MEX3D: variants seen among roughly 807,000 people sequenced by gnomAD.
MEX3D encodes the protein mex-3 RNA binding family member D.
Under a neutral mutation model 6.3 loss-of-function variants are expected in MEX3D, and 4 were observed. The observed-to-expected ratio is 0.64, with a 90% CI of 0.31 to 1.46. MEX3D has a LOEUF of 1.46. Among genes scored for constraint, MEX3D ranks in the 40% most tolerant of loss-of-function variants. MEX3D has a pLI of 0.07. For synonymous variants in MEX3D, 626 were observed against 494.1 expected (o/e 1.27, Z -3.54); for missense variants, 1,038 against 994.4 (o/e 1.04, Z -0.59).
chr19:1,556,289 G>A lies in MEX3D; in HGVS notation c.1230C>T (p.Arg410=), dbSNP rs1428232947. The A allele has an allele frequency of 3.1e-6, 4 of 1,276,626 alleles. No individual in the cohort carries two copies. The highest frequency in any genetic ancestry group is 3.9e-6 in the Non-Finnish European group (4 of 1,013,916). 79.1% of individuals were successfully genotyped at this position (1,276,626 alleles called of 1,614,324 possible). ...CTGGGTCCGGCACGGAGGGGCCGCC[G>A]CGGCTGCCCGCGTAGAAGGCCTCGG... ...SAPEAFYAGS[R]GGPSVPDPGP... is the part of the protein sequence containing the mutation. Residue 410 remains arginine, a synonymous_variant, in exon 2 of 2, where the codon CGC becomes CGT. Coordinates refer to ENST00000402693, the MANE Select transcript of MEX3D (RefSeq NM_203304.4). This position sits in a 1 kb window ranked among gnomAD's most constrained non-coding sequence, Gnocchi z 7.5.
At chr19:1,566,426 C>T (rs980813024) in intron 1 of MEX3D, among the ~76,000 whole-genome samples, 2 of 152,180 alleles carry the variant, frequency 1.3e-5, no homozygotes, top group African/African-American at 4.8e-5. Flanking sequence ...CCCAGCCCCC[C>T]ACACCTTTCT....
chr19:1,555,860 T>A lies in MEX3D; in HGVS notation c.1659A>T (p.Pro553=), dbSNP rs1441943769. 14 of 1,327,162 alleles carry A rather than the reference T, an allele frequency of 1.1e-5. No individual in the cohort carries two copies. Among genetic ancestry groups the A allele is most frequent in the Non-Finnish European group, 1.3e-5 (14 of 1,044,016 alleles). The allele number at this position is 1,327,162 out of a possible 1,614,324, so 82.2% of individuals were successfully genotyped here. A position where few individuals can be genotyped will look rare whatever the true frequency, so the allele number is the denominator to read the frequency against. The change falls in exon 2 of 2, where the codon CCA becomes CCT. Residue 553 remains proline (P), a synonymous_variant. Coordinates refer to ENST00000402693, the MANE Select transcript of MEX3D (RefSeq NM_203304.4). ...WRPPQGPVSF[P]GGAAFSTATS... ...TGGCCGTGGAGAAGGCGGCGCCGCC[T>A]GGGAAGGATACGGGGCCCTGCGGGG...
At position 1,556,313 on chromosome 19, in the gene MEX3D, G is replaced by A. The variant is rs773000109; in HGVS notation, c.1206C>T (p.Pro402=). ...GDTALGAPSA[P]EAFYAGSRGG... is the part of the protein sequence containing the mutation. ...CGCGGCTGCCCGCGTAGAAGGCCTC[G>A]GGGGCGCTGGGGGCGCCCAGGGCCG... is the stretch of plus-strand genomic sequence containing the variant. The change falls in exon 2 of 2, where the codon CCC becomes CCT. Residue 402 remains proline (P), a synonymous_variant. Coordinates refer to ENST00000402693, the MANE Select transcript of MEX3D (RefSeq NM_203304.4). This position sits in a 1 kb window ranked among gnomAD's most constrained non-coding sequence, Gnocchi z 7.5. The A allele has an allele frequency of 2.3e-4, 305 of 1,319,958 alleles. 1 individual carries two copies. The African/African-American group carries it at 4.1e-3, about 18-fold the overall frequency. 81.8% of individuals were successfully genotyped at this position (1,319,958 alleles called of 1,614,324 possible).
rs1454226633 is a variant in MEX3D at position 1,567,061 on chromosome 19, T to C, written c.595+403A>G. ...GCAGGCGGCCCCCCTAAGCCACCCCTAAACCTGCGCTTGCCCCGCCCCGCC... is the reference window on the plus strand; with the variant it reads ...GCAGGCGGCCCCCCTAAGCCACCCCCAAACCTGCGCTTGCCCCGCCCCGCC... On this transcript the variant is annotated intron_variant, in intron 1 of 1. Transcript: ENST00000402693. This position sits in a 1 kb window ranked among gnomAD's most constrained non-coding sequence, Gnocchi z 6.5. Among the ~76,000 whole-genome samples, 1 of 151,850 alleles carries C rather than the reference T, an allele frequency of 6.6e-6. No individual in the cohort carries two copies. The highest frequency in any genetic ancestry group is 1.5e-5 in the Non-Finnish European group (1 of 67,898).
rs1031455250 is a variant in MEX3D, at chr19:1,555,263, C to A, written c.*300G>T. 6.0e-6 allele frequency: 9 copies of A among 1,490,524 alleles called. No homozygotes were observed. Among genetic ancestry groups the A allele is most frequent in the Non-Finnish European group, 6.4e-6 (7 of 1,099,698 alleles). 92.3% of individuals were successfully genotyped at this position (1,490,524 alleles called of 1,614,324 possible). ...AGATCACCCTGGAGGGGAGGGGTGT[C>A]TAAAAATAAGAAAACTAAAAAAAGT... On this transcript the variant is annotated 3_prime_UTR_variant, in exon 2 of 2. Coordinates refer to ENST00000402693, the MANE Select transcript of MEX3D (RefSeq NM_203304.4).
At chr19:1,560,321 G>A (rs1396788080) in intron 1 of MEX3D, among the ~76,000 whole-genome samples, 1 of 152,212 alleles carries the variant, frequency 6.6e-6, no homozygotes, top group Non-Finnish European at 1.5e-5. Flanking sequence ...ACCCAGCAAG[G>A]CTGGGGAAGG....
Position 1,567,970 on chromosome 19 carries a change from G to A in MEX3D, c.89C>T (p.Pro30Leu). 1.0e-6 allele frequency: 1 copy of A among 978,304 alleles called. No individual in the cohort carries two copies. Among genetic ancestry groups the A allele is most frequent in the South Asian group, 4.5e-5 (1 of 21,980 alleles). 60.6% of individuals were successfully genotyped at this position (978,304 alleles called of 1,614,324 possible). A position where few individuals can be genotyped will look rare whatever the true frequency, so the allele number is the denominator to read the frequency against. Residue 30 changes from proline to leucine, a missense_variant, in exon 1 of 2, where the codon CCC becomes CTC. Around this residue, in one of 5 missense-constraint regions of MEX3D, gnomAD observed 265 missense variants for 206.3 expected, o/e 1.28. Transcript: ENST00000402693. The surrounding 1 kb of genome is among the most constrained non-coding windows in gnomAD (Gnocchi z 6.5). ...GVGAAGEDPG[P>L]GPAPPPEGAQ... ...GCCCTCGGGCGGGGGCGCAGGTCCGGGTCCGGGGTCCTCCCCCGCCGCCCC... is the reference window on the plus strand; with the variant it reads ...GCCCTCGGGCGGGGGCGCAGGTCCGAGTCCGGGGTCCTCCCCCGCCGCCCC...
chr19:1,567,902 C>T lies in MEX3D; in HGVS notation c.157G>A (p.Asp53Asn). The T allele has an allele frequency of 1.0e-6, 1 of 980,008 alleles. No individual in the cohort carries two copies. Among genetic ancestry groups the T allele is most frequent in the Non-Finnish European group, 1.2e-6 (1 of 828,290 alleles). 60.7% of individuals were successfully genotyped at this position (980,008 alleles called of 1,614,324 possible). ...AGGCGGAGCGCGGCGGCCGCGTCGT[C>T]GGGTTCGGGCGGCGGCCGGGGCGCG... ...APAPRPPPEP[D>N]DAAAALRLAL... Residue 53 changes from aspartate (D) to asparagine (N), a missense_variant, in exon 1 of 2, where the codon GAC (aspartate) becomes AAC (asparagine). Physicochemically the swap from Asp to Asn is conservative, Grantham distance 23. This residue lies in a region of MEX3D where 265 missense variants were observed against 206.3 expected (regional missense o/e 1.28). Transcript: ENST00000402693. The surrounding 1 kb of genome is among the most constrained non-coding windows in gnomAD (Gnocchi z 6.5).
rs750000154 is a variant in MEX3D at position 1,556,312 on chromosome 19, CGGGGGCGCT to C, written c.1198_1206del (p.Ser400_Pro402del). On this transcript the variant is annotated inframe_deletion, in exon 2 of 2. Transcript: ENST00000402693. This position sits in a 1 kb window ranked among gnomAD's most constrained non-coding sequence, Gnocchi z 7.5. ...CCGCGGCTGCCCGCGTAGAAGGCCT[CGGGGGCGCT>C]GGGGGCGCCCAGGGCCGTGTCCCCG... 5.5e-5 allele frequency: 73 copies of C among 1,320,058 alleles called. No individual in the cohort carries two copies. Among genetic ancestry groups the C allele is most frequent in the Admixed American group, 4.2e-4 (10 of 23,750 alleles). 81.8% of individuals were successfully genotyped at this position (1,320,058 alleles called of 1,614,324 possible).
chr19:1,558,513 C>T (rs1914636565), intron 1 of MEX3D, among the ~76,000 whole-genome samples: 1 of 152,118 alleles, frequency 6.6e-6, no homozygotes, highest in Non-Finnish European at 1.5e-5. Flanking sequence ...CCTGCCCACA[C>T]CTTGACTTGG....
intron 1 of MEX3D, among the ~76,000 whole-genome samples, chr19:1,561,037 G>A (rs1007429748): frequency 1.6e-4 from 25 of 152,292 alleles, no homozygotes; most frequent in African/African-American, 4.6e-4. Context: ...ATTCCAACTC[G>A]GAGGGCTTGA....
chr19:1,556,895 C>G lies in MEX3D; in HGVS notation c.624G>C (p.Lys208Asn). The change falls in exon 2 of 2, where the codon AAG (lysine) becomes AAC (asparagine). Residue 208 changes from lysine to asparagine, a missense_variant. Lys to Asn is a moderately conservative substitution (Grantham distance 94, BLOSUM62 0). This residue lies in a region of MEX3D where 75 missense variants were observed against 125.1 expected (regional missense o/e 0.60). Coordinates refer to ENST00000402693, the MANE Select transcript of MEX3D (RefSeq NM_203304.4). The surrounding 1 kb of genome is among the most constrained non-coding windows in gnomAD (Gnocchi z 7.5). ...CTGGGGTCTTGATGTAGGTGTTTGT[C>G]TTGGCCCGCAGGGCCTTGATCTTGC... ...QGCKIKALRA[K>N]TNTYIKTPVR... 6.2e-7 allele frequency: 1 copy of G among 1,610,392 alleles called. No individual in the cohort carries two copies. Among genetic ancestry groups the G allele is most frequent in the Non-Finnish European group, 8.5e-7 (1 of 1,179,248 alleles).
Position 1,567,946 on chromosome 19 carries a change from C to T in MEX3D, c.113G>A (p.Gly38Asp). 1 of 977,358 alleles carries T rather than the reference C, an allele frequency of 1.0e-6. No homozygotes were observed. Among genetic ancestry groups the T allele is most frequent in the Admixed American group, 6.4e-5 (1 of 15,552 alleles). The allele number at this position is 977,358 out of a possible 1,614,324, so 60.5% of individuals were successfully genotyped here. A position where few individuals can be genotyped will look rare whatever the true frequency, so the allele number is the denominator to read the frequency against. The change falls in exon 1 of 2, where the codon GGC (glycine) becomes GAC (aspartate). Residue 38 changes from glycine (G) to aspartate (D), a missense_variant. Coordinates refer to ENST00000402693, the MANE Select transcript of MEX3D (RefSeq NM_203304.4). This position sits in a 1 kb window ranked among gnomAD's most constrained non-coding sequence, Gnocchi z 6.5. ...PGPGPAPPPE[G>D]AQEAAPAPRP... ...GGGCGCGGGCGCGGCCTCCTGGGCG[C>T]CCTCGGGCGGGGGCGCAGGTCCGGG...
Position 1,568,028 on chromosome 19 carries a change from C to T in MEX3D, c.31G>A (p.Gly11Ser), listed in dbSNP as rs1914899982. ...CCGCCGCCGCCGCCCCCGCCCCCGCCGCCGTCGGGCTGGCCGAGCGAGCTG... is the reference window on the plus strand; with the variant it reads ...CCGCCGCCGCCGCCCCCGCCCCCGCTGCCGTCGGGCTGGCCGAGCGAGCTG... MPSSLGQPDG[G>S]GGGGGGGGGV... Residue 11 changes from glycine to serine, a missense_variant, in exon 1 of 2, where the codon GGC (glycine) becomes AGC (serine). Around this residue, in one of 5 missense-constraint regions of MEX3D, gnomAD observed 265 missense variants for 206.3 expected, o/e 1.28. Coordinates refer to ENST00000402693, the MANE Select transcript of MEX3D (RefSeq NM_203304.4). 1.0e-6 allele frequency: 1 copy of T among 979,020 alleles called. No homozygotes were observed. Among genetic ancestry groups the T allele is most frequent in the Non-Finnish European group, 1.2e-6 (1 of 827,834 alleles). 60.6% of individuals were successfully genotyped at this position (979,020 alleles called of 1,614,324 possible). A position where few individuals can be genotyped will look rare whatever the true frequency, so the allele number is the denominator to read the frequency against.
chr19:1,567,725 G>T lies in MEX3D; in HGVS notation c.334C>A (p.Pro112Thr). The T allele has an allele frequency of 1.0e-6, 1 of 1,002,068 alleles. No homozygotes were observed. The highest frequency in any genetic ancestry group is 1.2e-6 in the Non-Finnish European group (1 of 833,266). The allele number at this position is 1,002,068 out of a possible 1,614,324, so 62.1% of individuals were successfully genotyped here. ...GCCACGGCGGGGGCCAGGGTCGGGGGCGCGCCGGCCTCAGGTCCGTCGGGG... is the reference window on the plus strand; with the variant it reads ...GCCACGGCGGGGGCCAGGGTCGGGGTCGCGCCGGCCTCAGGTCCGTCGGGG... The part of the protein sequence containing the change: ...VPPDGPEAGA[P>T]PTLAPAVAPG... The change falls in exon 1 of 2, where the codon CCC (proline) becomes ACC (threonine). Residue 112 changes from proline to threonine, a missense_variant. By Grantham distance (38) the Pro-to-Thr change is conservative. Transcript: ENST00000402693. This position sits in a 1 kb window ranked among gnomAD's most constrained non-coding sequence, Gnocchi z 6.5.
At chr19:1,559,181 G>A (rs1191211384) in intron 1 of MEX3D, among the ~76,000 whole-genome samples, 1 of 152,024 alleles carries the variant, frequency 6.6e-6, no homozygotes, top group South Asian at 2.1e-4. Flanking sequence ...GCCCAGGCTG[G>A]AGTGCAGTGG....
chr19:1,556,395 TTGGCCCA>T lies in MEX3D; in HGVS notation c.1117_1123del (p.Trp373ArgfsTer90), dbSNP rs1914560654. 1 of 1,560,108 alleles carries T rather than the reference TTGGCCCA, an allele frequency of 6.4e-7. No homozygotes were observed. Among genetic ancestry groups the T allele is most frequent in the Non-Finnish European group, 8.6e-7 (1 of 1,160,382 alleles). On this transcript the variant is annotated frameshift_variant, in exon 2 of 2. Coordinates refer to ENST00000402693, the MANE Select transcript of MEX3D (RefSeq NM_203304.4). LOFTEE classifies it low-confidence loss of function (END_TRUNC). This position sits in a 1 kb window ranked among gnomAD's most constrained non-coding sequence, Gnocchi z 7.5. ...GGGCCGTCGTCCCTGGTTGGGGGTC[TTGGCCCA>T]GAGGCTGGCGGCCGCCCCGAGCAGG...
intron 1 of MEX3D, among the ~76,000 whole-genome samples, chr19:1,564,786 C>T (rs957918683): frequency 6.6e-6 from 1 of 152,016 alleles, no homozygotes; most frequent in African/African-American, 2.4e-5. Context: ...AAGGGGTAAC[C>T]TTGGAGCTTG....
chr19:1,557,024 C>G lies in MEX3D; in HGVS notation c.596-101G>C. The G allele has an allele frequency of 2.9e-6, 4 of 1,391,306 alleles. No individual in the cohort carries two copies. The South Asian group carries it at 5.6e-5, about 19-fold the overall frequency. The allele number at this position is 1,391,306 out of a possible 1,614,324, so 86.2% of individuals were successfully genotyped here. On this transcript the variant is annotated intron_variant, in intron 1 of 1. Coordinates refer to ENST00000402693, the MANE Select transcript of MEX3D (RefSeq NM_203304.4). Reference sequence around the variant, plus strand: ...GCAGGGCCAGTGAGGGAGCCCCTACCTCCCAGCCTGTGCCCAACAACACTT... The same window carrying G: ...GCAGGGCCAGTGAGGGAGCCCCTACGTCCCAGCCTGTGCCCAACAACACTT...
Sources: allele counts gnomAD v4.1 joint callset (sites outside exome capture counted in the v4.1 genomes callset), GRCh38; gene constraint gnomAD v4.1.1; regional missense constraint gnomAD v4.1.1; non-coding constraint Gnocchi (gnomAD v3.1); transcripts MANE v1.5; gene names NCBI Gene and HGNC (gene_info 2026-07-23, HGNC 2026-07-21).